The following TLE4 variants were observed in gnomAD, a reference collection of about 807,000 sequenced individuals.
TLE4 encodes TLE family member 4, transcriptional corepressor.
In TLE4, 8 loss-of-function variants were observed where a neutral mutation model predicts 92.8. That is an observed-to-expected ratio of 0.09 (90% CI 0.05 to 0.16). The LOEUF (loss-of-function observed/expected upper bound fraction) is 0.16, where lower values mean the gene tolerates loss of function less well. Ranked by LOEUF, TLE4 falls within the 10% of genes least tolerant of loss-of-function variation. The pLI, the probability that TLE4 is intolerant of heterozygous loss-of-function variation, is 1.00. For synonymous variants in TLE4, 371 were observed against 374.1 expected (o/e 0.99, Z 0.10); for missense variants, 675 against 997.6 (o/e 0.68, Z 4.36).
intron 8 of TLE4, among the ~76,000 whole-genome samples, chr9:79,672,607 C>T (rs1247216867): frequency 6.6e-6 from 1 of 152,122 alleles, no homozygotes; most frequent in Admixed American, 6.5e-5. Context: ...GTGGAATCTT[C>T]ACCAAAGGCC....
chr9:79,614,826 C>A (rs1038397972), intron 5 of TLE4, among the ~76,000 whole-genome samples: 2 of 151,870 alleles, frequency 1.3e-5, no homozygotes, highest in Non-Finnish European at 2.9e-5. Flanking sequence ...CATCAGTTAT[C>A]GTTAGTGTAT....
At chr9:79,618,111 T>C (rs964658378) in intron 5 of TLE4, among the ~76,000 whole-genome samples, 2 of 152,226 alleles carry the variant, frequency 1.3e-5, no homozygotes, top group Admixed American at 1.3e-4. Flanking sequence ...AAATGTAGTC[T>C]TAGCTGAGTG....
At chr9:79,648,037 A>G (rs1217762237) in intron 6 of TLE4, among the ~76,000 whole-genome samples, 1 of 152,112 alleles carries the variant, frequency 6.6e-6, no homozygotes, top group African/African-American at 2.4e-5. Flanking sequence ...ATGTCTCCCT[A>G]AACAGACTAG....
chr9:79,634,540 TGTGTAG>T (rs1220648785), intron 6 of TLE4, among the ~76,000 whole-genome samples: 1 of 152,186 alleles, frequency 6.6e-6, no homozygotes, highest in African/African-American at 2.4e-5. Flanking sequence ...CCCTTTCCAG[TGTGTAG>T]GTCTTTGAGT....
At chr9:79,651,323 C>T (rs2058948068) in intron 6 of TLE4, among the ~76,000 whole-genome samples, 1 of 152,126 alleles carries the variant, frequency 6.6e-6, no homozygotes, top group Non-Finnish European at 1.5e-5. Context: ...ACCAACTCCT[C>T]CTCTCCCCCA....
At chr9:79,633,127 C>T (rs2054755529) in intron 6 of TLE4, among the ~76,000 whole-genome samples, 1 of 152,156 alleles carries the variant, frequency 6.6e-6, no homozygotes, top group Non-Finnish European at 1.5e-5. Context: ...AATCTTTCTG[C>T]TACGGTTTGA....
chr9:79,623,692 T>A (rs1162112602), intron 5 of TLE4, among the ~76,000 whole-genome samples: 2 of 140,528 alleles, frequency 1.4e-5, no homozygotes, highest in Non-Finnish European at 3.1e-5. Flanking sequence ...ATCACCACAA[T>A]CTAAGGGTTT....
At chr9:79,645,291 G>T (rs1384748921) in intron 6 of TLE4, among the ~76,000 whole-genome samples, 9 of 152,186 alleles carry the variant, frequency 5.9e-5, no homozygotes. Context: ...AGATGTTGTT[G>T]TTTCTAAGGA....
chr9:79,588,586 T>C (rs967506338), intron 4 of TLE4, among the ~76,000 whole-genome samples: 6 of 152,212 alleles, frequency 3.9e-5, no homozygotes, highest in Non-Finnish European at 5.9e-5. Flanking sequence ...AGTGGACTCA[T>C]TCATTGGTTC....
chr9:79,697,705 G>T (rs1424887237), intron 8 of TLE4, among the ~76,000 whole-genome samples: 2 of 151,782 alleles, frequency 1.3e-5, no homozygotes, highest in Non-Finnish European at 2.9e-5. Flanking sequence ...CAATTTTATT[G>T]ATATCTTATA....
At chr9:79,716,389 ACT>A (rs1306513961) in intron 14 of TLE4, among the ~76,000 whole-genome samples, 1 of 151,358 alleles carries the variant, frequency 6.6e-6, no homozygotes, top group Non-Finnish European at 1.5e-5. Flanking sequence ...GTGCTCCCCT[ACT>A]CTCTTTTATC....
intron 5 of TLE4, 146 bp from the exon 6 acceptor site, chr9:79,627,228 C>A: frequency 2.7e-6 from 2 of 749,686 alleles, no homozygotes; most frequent in Non-Finnish European, 4.6e-6. Context: ...TCTAGTCATC[C>A]ATCACCTCAG....
intron 4 of TLE4, among the ~76,000 whole-genome samples, chr9:79,595,640 A>G (rs1214819980): frequency 1.3e-5 from 2 of 152,154 alleles, no homozygotes; most frequent in Non-Finnish European, 2.9e-5. Context: ...AAGTTAGGTT[A>G]AAGATAAGAA....
intron 4 of TLE4, among the ~76,000 whole-genome samples, chr9:79,606,101 C>T (rs1182402546): frequency 2.0e-5 from 3 of 147,624 alleles, no homozygotes; most frequent in African/African-American, 7.4e-5. Context: ...TTAATCAGTC[C>T]TTTAGGAACC....
At chr9:79,696,605 T>C (rs763083232) in intron 8 of TLE4, among the ~76,000 whole-genome samples, 1 of 152,042 alleles carries the variant, frequency 6.6e-6, no homozygotes, top group African/African-American at 2.4e-5. Context: ...GTTAACACTC[T>C]TTGGAAAAAA....
chr9:79,623,693 C>G (rs1446804513), intron 5 of TLE4, among the ~76,000 whole-genome samples: 3 of 129,660 alleles, frequency 2.3e-5, no homozygotes, highest in Non-Finnish European at 4.9e-5. Context: ...TCACCACAAT[C>G]TAAGGGTTTT....
chr9:79,615,842 G>A (rs184831414), intron 5 of TLE4, among the ~76,000 whole-genome samples: 103 of 152,232 alleles, frequency 6.8e-4, no homozygotes, highest in Non-Finnish European at 9.0e-4. Flanking sequence ...CTTTAATAAT[G>A]TGCTGTTGCA....
intron 4 of TLE4, among the ~76,000 whole-genome samples, chr9:79,599,399 T>A (rs986609192): frequency 6.6e-6 from 1 of 152,150 alleles, no homozygotes; most frequent in Non-Finnish European, 1.5e-5. Flanking sequence ...CTTTGGAGAT[T>A]GTGAGTTAAT....
In TLE4 at chr9:79,708,699, C is replaced by T; in HGVS notation, c.1176C>T (p.Ala392=). ...GAGAGCTGACCAGCCCCGGAGCGGC[C>T]TACGCTGGGCTCCACAACATCTCCC... is the stretch of plus-strand genomic sequence containing the variant. ...MNGELTSPGA[A]YAGLHNISPQ... is the part of the protein sequence containing the mutation. Residue 392 remains alanine (A), a synonymous_variant, in exon 13 of 20, where the codon GCC becomes GCT. Transcript: ENST00000376552. 6.2e-7 allele frequency: 1 copy of T among 1,613,570 alleles called. No homozygotes were observed. The highest frequency in any genetic ancestry group is 8.5e-7 in the Non-Finnish European group (1 of 1,180,034).
Sources: gnomAD v4.1 joint callset for allele counts (sites outside exome capture counted in the v4.1 genomes callset) on GRCh38, gnomAD v4.1.1 for gene constraint, MANE v1.5 for transcripts, NCBI Gene and HGNC (gene_info 2026-07-23, HGNC 2026-07-21) for gene names.